SNX29: variants seen among roughly 807,000 people sequenced by gnomAD.
The protein encoded by SNX29 is sorting nexin 29, also known as sorting nexin-29.
A neutral mutation model predicts 102.1 loss-of-function variants in SNX29; 78 were observed. That is an observed-to-expected ratio of 0.76 (90% confidence interval 0.64 to 0.92). SNX29 has a LOEUF of 0.92. Ranked by LOEUF, SNX29 falls within the 40% of genes least tolerant of loss-of-function variation. The probability of loss-of-function intolerance (pLI) is 0.00; values close to 1 mark genes in which losing one functional copy is unlikely to be tolerated. For synonymous variants in SNX29, 580 were observed against 414.5 expected (o/e 1.40, Z -4.85); for missense variants, 1,280 against 1,061.7 (o/e 1.21, Z -2.86).
chr16:12,130,670 G>A (rs1243523432), intron 13 of SNX29, among the ~76,000 whole-genome samples: 1 of 151,948 alleles, frequency 6.6e-6, no homozygotes, highest in African/African-American at 2.4e-5. Context: ...TGTTCCCAGA[G>A]ATATTCCCTG....
At chr16:12,064,274 G>A (rs1270690849) in intron 9 of SNX29, among the ~76,000 whole-genome samples, 1 of 152,052 alleles carries the variant, frequency 6.6e-6, no homozygotes, top group Non-Finnish European at 1.5e-5. Context: ...CTCCTTTTTC[G>A]TGCATGTTGG....
intron 13 of SNX29, among the ~76,000 whole-genome samples, chr16:12,179,267 T>A (rs1170712585): frequency 6.6e-6 from 1 of 152,218 alleles, no homozygotes; most frequent in Non-Finnish European, 1.5e-5. Flanking sequence ...GAGGATCACT[T>A]GAGTTCAGGA....
chr16:12,316,592 T>C (rs2080752567), intron 15 of SNX29, among the ~76,000 whole-genome samples: 1 of 152,126 alleles, frequency 6.6e-6, no homozygotes, highest in Non-Finnish European at 1.5e-5. Context: ...GATCTTGCTC[T>C]CTCTCACCTC....
intron 18 of SNX29, among the ~76,000 whole-genome samples, chr16:12,417,642 C>T (rs1469177745): frequency 6.6e-6 from 1 of 151,888 alleles, no homozygotes; most frequent in African/African-American, 2.4e-5. Flanking sequence ...ATTCCTTTTC[C>T]CTGTCATTTC....
chr16:12,424,747 T>G (rs12599956), intron 18 of SNX29, among the ~76,000 whole-genome samples: 6,087 of 152,248 alleles, frequency 0.04, 305 homozygotes, highest in East Asian at 0.29. Flanking sequence ...GACAGTATCT[T>G]CTCCTCCGTC....
intron 19 of SNX29, among the ~76,000 whole-genome samples, chr16:12,484,420 A>T (rs149579254): frequency 2.0e-5 from 3 of 152,300 alleles, no homozygotes; most frequent in Middle Eastern, 3.4e-3. Context: ...TCCACGCTGT[A>T]GCAAGAGTGA....
At chr16:12,394,018 A>G (rs112478543) in intron 16 of SNX29, among the ~76,000 whole-genome samples, 2,702 of 152,350 alleles carry the variant, frequency 0.018, 65 homozygotes, top group East Asian at 0.054. Context: ...TACTTGGCTC[A>G]GAGTCTGGAG....
At chr16:12,477,882 C>T (rs759473997) in intron 19 of SNX29, 23 bp downstream of exon 19, 32 of 1,559,378 alleles carry the variant, frequency 2.1e-5, no homozygotes, top group Non-Finnish European at 2.8e-5. Flanking sequence ...GCTGGGAAGC[C>T]CACTTGTCAC....
chr16:12,489,108 T>G (rs2088404935), intron 19 of SNX29, among the ~76,000 whole-genome samples: 1 of 152,198 alleles, frequency 6.6e-6, no homozygotes, highest in Non-Finnish European at 1.5e-5. Context: ...GACAACTGAT[T>G]AAAATCACAA....
At chr16:12,567,742 C>A (rs1182915933) in intron 20 of SNX29, among the ~76,000 whole-genome samples, 1 of 152,144 alleles carries the variant, frequency 6.6e-6, no homozygotes, top group Non-Finnish European at 1.5e-5. Flanking sequence ...AAAACCTGGG[C>A]AAGAGTCGAG....
At chr16:12,352,859 A>G (rs1160646539) in intron 15 of SNX29, among the ~76,000 whole-genome samples, 6 of 152,174 alleles carry the variant, frequency 3.9e-5, no homozygotes, top group Non-Finnish European at 7.3e-5. Context: ...TCTCCTCCTT[A>G]ACTACCTGCA....
intron 20 of SNX29, among the ~76,000 whole-genome samples, chr16:12,534,262 C>G (rs918427196): frequency 1.3e-5 from 2 of 152,246 alleles, no homozygotes; most frequent in East Asian, 3.9e-4. Context: ...TGCCCAAGCA[C>G]CGCCGGCACA....
rs77951221 is a variant in SNX29, at chr16:12,216,888, C to G, written c.1678+17205C>G. Among the ~76,000 whole-genome samples the G allele has an allele frequency of 6.4e-3, 973 of 152,346 alleles. 12 individuals carry two copies. Among genetic ancestry groups the G allele is most frequent in the African/African-American group, 0.022 (933 of 41,580 alleles). ...TTCTGCAGTTTGCCCACGACACTTT[C>G]ATGAGGCCACAGCTAGCTGCAAGGG... On this transcript the variant is annotated intron_variant, in intron 14 of 20. Coordinates refer to ENST00000566228, the MANE Select transcript of SNX29 (RefSeq NM_032167.5).
intron 16 of SNX29, among the ~76,000 whole-genome samples, chr16:12,376,432 C>T (rs184268291): frequency 5.9e-5 from 9 of 152,174 alleles, no homozygotes; most frequent in South Asian, 2.1e-4. Context: ...ATTGATTGGT[C>T]GTATTGAAAA....
At chr16:12,516,910 A>G (rs2089891386) in intron 19 of SNX29, among the ~76,000 whole-genome samples, 1 of 152,206 alleles carries the variant, frequency 6.6e-6, no homozygotes, top group Non-Finnish European at 1.5e-5. Context: ...TGTCTTGTTC[A>G]CAGCATTCCA....
intron 20 of SNX29, chr16:12,526,527 T>C (rs1241105693): frequency 1.9e-6 from 1 of 515,748 alleles, no homozygotes; most frequent in Non-Finnish European, 3.8e-6. Flanking sequence ...ATTTTTCTTT[T>C]CTTCTTTTAT....
chr16:12,486,177 CCT>C (rs1369427552), intron 19 of SNX29, among the ~76,000 whole-genome samples: 1 of 152,184 alleles, frequency 6.6e-6, no homozygotes, highest in Non-Finnish European at 1.5e-5. Context: ...TTCCGTGTTG[CCT>C]CTCTCCCACC....
At chr16:12,433,579 C>A (rs1006588524) in intron 18 of SNX29, among the ~76,000 whole-genome samples, 1 of 145,618 alleles carries the variant, frequency 6.9e-6, no homozygotes, top group South Asian at 2.2e-4. Flanking sequence ...TGCAGTGAGC[C>A]GAGATCATGC....
intron 19 of SNX29, among the ~76,000 whole-genome samples, chr16:12,484,421 G>A (rs995348914): frequency 1.3e-5 from 2 of 152,164 alleles, no homozygotes; most frequent in Admixed American, 1.3e-4. Flanking sequence ...CCACGCTGTA[G>A]CAAGAGTGAG....
Sources: allele counts gnomAD v4.1 joint callset (sites outside exome capture counted in the v4.1 genomes callset), GRCh38; gene constraint gnomAD v4.1.1; transcripts MANE v1.5; gene names NCBI Gene and HGNC (gene_info 2026-07-23, HGNC 2026-07-21).